Variants in THADA observed in about 807,000 individuals in gnomAD.
THADA encodes the protein tRNA (32-2'-O)-methyltransferase regulator THADA.
Under a neutral mutation model 219.8 loss-of-function variants are expected in THADA, and 213 were observed. The observed-to-expected ratio is 0.97, with a 90% confidence interval of 0.87 to 1.09. THADA has a LOEUF of 1.09. Ranked by LOEUF, THADA falls within the 50% of genes least tolerant of loss-of-function variation. The pLI, the probability that THADA is intolerant of heterozygous loss-of-function variation, is 0.00. For synonymous variants in THADA, 1,018 were observed against 828.9 expected, an observed-to-expected ratio of 1.23 and a Z score of -3.92; for missense variants, 2,956 against 2,311.3, an observed-to-expected ratio of 1.28 and a Z score of -5.72.
At chr2:43,359,882 C>A (rs1441980703) in intron 29 of THADA, among the ~76,000 whole-genome samples, 1 of 151,812 alleles carries the variant, frequency 6.6e-6, no homozygotes, top group East Asian at 1.9e-4. Flanking sequence ...CCTCAGCTTC[C>A]CAAGTAGTTG....
chr2:43,550,485 T>A (rs1037628163), intron 19 of THADA, among the ~76,000 whole-genome samples: 1 of 152,170 alleles, frequency 6.6e-6, no homozygotes, highest in African/African-American at 2.4e-5. Context: ...ATCCATTCAA[T>A]TTTACAGCTT....
chr2:43,569,429 C>T (rs937921033), intron 14 of THADA, among the ~76,000 whole-genome samples: 1 of 152,178 alleles, frequency 6.6e-6, no homozygotes, highest in Non-Finnish European at 1.5e-5. Flanking sequence ...ACTAATTCTG[C>T]TTATAGTTGA....
At chr2:43,315,806 A>G (rs1412222369) in intron 31 of THADA, among the ~76,000 whole-genome samples, 3 of 152,238 alleles carry the variant, frequency 2.0e-5, no homozygotes, top group East Asian at 1.9e-4. Flanking sequence ...ACTTGGTTCC[A>G]TAAGGGTCCT....
At position 43,574,728 on chromosome 2, in the gene THADA, C is replaced by G; in HGVS notation, c.1337G>C (p.Arg446Pro). The change falls in exon 11 of 38, where the codon CGA (arginine) becomes CCA (proline). Residue 446 changes from arginine to proline, a missense_variant. Arg to Pro is a moderately radical substitution (Grantham distance 103). Coordinates refer to ENST00000405975, the MANE Select transcript of THADA (RefSeq NM_022065.5). ...CTTTCCTTTAATATGCCATTCCAAT[C>G]GTAAAAGACTCTCAGTCAATTCCAC... Reference protein sequence around the residue: ...FFVELTESLLRLEWHIKGKYT... With the variant: ...FFVELTESLLPLEWHIKGKYT... 1 of 1,613,984 alleles carries G rather than the reference C, an allele frequency of 6.2e-7. No homozygotes were observed. Among genetic ancestry groups the G allele is most frequent in the East Asian group, 2.2e-5 (1 of 44,886 alleles).
chr2:43,464,872 T>G (rs529169028), intron 26 of THADA, among the ~76,000 whole-genome samples: 1 of 152,200 alleles, frequency 6.6e-6, no homozygotes, highest in African/African-American at 2.4e-5. Context: ...TGCTTAATTC[T>G]CTAGCAAAAG....
chr2:43,465,920 T>C (rs182955139), intron 26 of THADA, among the ~76,000 whole-genome samples: 248 of 152,316 alleles, frequency 1.6e-3, no homozygotes, highest in Non-Finnish European at 2.4e-3. Context: ...CTCGCTGCTG[T>C]AAATGGCACC....
At chr2:43,569,500 G>C (rs548410229) in intron 14 of THADA, among the ~76,000 whole-genome samples, 2 of 152,190 alleles carry the variant, frequency 1.3e-5, no homozygotes, top group Non-Finnish European at 2.9e-5. Flanking sequence ...TGTCTTTAAA[G>C]TTCAGGTTGT....
chr2:43,419,973 G>A (rs1178446417), intron 28 of THADA, among the ~76,000 whole-genome samples: 2 of 152,082 alleles, frequency 1.3e-5, no homozygotes, highest in Admixed American at 6.5e-5. Context: ...TTCCTGGGTC[G>A]CCCTTGGTTC....
At chr2:43,464,406 T>A (rs1297615236) in intron 26 of THADA, among the ~76,000 whole-genome samples, 1 of 152,244 alleles carries the variant, frequency 6.6e-6, no homozygotes, top group Non-Finnish European at 1.5e-5. Context: ...AGATTGGAAT[T>A]GTATAATGTT....
At chr2:43,411,808 T>G (rs7582497) in intron 28 of THADA, among the ~76,000 whole-genome samples, 1 of 152,014 alleles carries the variant, frequency 6.6e-6, no homozygotes, top group African/African-American at 2.4e-5. Flanking sequence ...CGGTACATTA[T>G]TATACAGCTG....
chr2:43,497,160 C>T (rs1558857265), intron 25 of THADA, among the ~76,000 whole-genome samples: 1 of 152,094 alleles, frequency 6.6e-6, no homozygotes. Flanking sequence ...CCAGAAATAC[C>T]ATTTGACCCA....
intron 29 of THADA, among the ~76,000 whole-genome samples, chr2:43,350,361 AG>A (rs2104556468): frequency 6.6e-6 from 1 of 152,370 alleles, no homozygotes; most frequent in Admixed American, 6.5e-5. Context: ...TTCAAAATGC[AG>A]ATTGTGTTTG....
chr2:43,300,886 G>A (rs1403747330), intron 31 of THADA, among the ~76,000 whole-genome samples: 2 of 152,214 alleles, frequency 1.3e-5, no homozygotes, highest in African/African-American at 4.8e-5. Context: ...CCTCACCCCA[G>A]AGTTTCTGAT....
chr2:43,489,448 T>C (rs993555008), intron 25 of THADA, among the ~76,000 whole-genome samples: 6 of 152,208 alleles, frequency 3.9e-5, no homozygotes, highest in Non-Finnish European at 8.8e-5. Flanking sequence ...CATATCTAAC[T>C]AAATGTTATC....
At chr2:43,448,556 C>CTTTT (rs145885708) in intron 26 of THADA, among the ~76,000 whole-genome samples, 1 of 75,222 alleles carries the variant, frequency 1.3e-5, no homozygotes, top group Non-Finnish European at 2.8e-5. Context: ...ACTTTTCTTC[C>CTTTT]TTTCTTTTTT....
chr2:43,503,353 T>C (rs1356846428), intron 24 of THADA, among the ~76,000 whole-genome samples: 1 of 152,174 alleles, frequency 6.6e-6, no homozygotes, highest in Non-Finnish European at 1.5e-5. Flanking sequence ...TAAAATACTG[T>C]TCAGAAATGA....
chr2:43,325,014 C>A (rs937691160), intron 30 of THADA, among the ~76,000 whole-genome samples: 4 of 152,138 alleles, frequency 2.6e-5, no homozygotes, highest in Admixed American at 2.6e-4. Context: ...AAACGAAGGC[C>A]CTGTTAAGAA....
chr2:43,249,374 G>A (rs1669584686), intron 36 of THADA, among the ~76,000 whole-genome samples: 1 of 152,146 alleles, frequency 6.6e-6, no homozygotes, highest in Admixed American at 6.5e-5. Context: ...GGTGTGAATC[G>A]TTGTGGCCGG....
At chr2:43,523,459 A>T (rs1423973729) in intron 22 of THADA, among the ~76,000 whole-genome samples, 1 of 152,284 alleles carries the variant, frequency 6.6e-6, no homozygotes, top group East Asian at 1.9e-4. Flanking sequence ...TATATATTAC[A>T]TTCTGCATTT....
Sources: allele counts gnomAD v4.1 joint callset (sites outside exome capture counted in the v4.1 genomes callset), GRCh38; gene constraint gnomAD v4.1.1; transcripts MANE v1.5; gene names NCBI Gene and HGNC (gene_info 2026-07-23, HGNC 2026-07-21).